The following RAD18 variants were observed in gnomAD, a reference collection of about 807,000 sequenced individuals.
RAD18 encodes E3 ubiquitin-protein ligase RAD18.
In RAD18, 47 loss-of-function variants were observed where a neutral mutation model predicts 60.4. The observed-to-expected ratio is 0.78, with a 90% confidence interval of 0.62 to 0.99. The LOEUF (loss-of-function observed/expected upper bound fraction) is 0.99. Among genes scored for constraint, RAD18 ranks in the 50% least tolerant of loss-of-function variants. RAD18 has a pLI of 0.00. For synonymous variants in RAD18, 225 were observed against 195.5 expected (o/e 1.15, Z -1.26); for missense variants, 640 against 593.3 (o/e 1.08, Z -0.82).
intron 10 of RAD18, among the ~76,000 whole-genome samples, chr3:8,900,263 T>C (rs186149150): frequency 9.9e-5 from 15 of 152,202 alleles, no homozygotes; most frequent in Admixed American, 9.2e-4. Context: ...ATCCTGAACC[T>C]CTAGGAACTC....
At chr3:8,915,769 G>A (rs1237056480) in intron 7 of RAD18, among the ~76,000 whole-genome samples, 1 of 152,028 alleles carries the variant, frequency 6.6e-6, no homozygotes, top group Non-Finnish European at 1.5e-5. Context: ...ATTTTTAGTA[G>A]AGACAGGGTT....
At chr3:8,908,886 T>C (rs1940059680) in intron 9 of RAD18, among the ~76,000 whole-genome samples, 1 of 152,184 alleles carries the variant, frequency 6.6e-6, no homozygotes, top group South Asian at 2.1e-4. Flanking sequence ...GAGCACAGTG[T>C]CTGGCACGTG....
At chr3:8,950,060 T>C (rs1364022244) in intron 2 of RAD18, among the ~76,000 whole-genome samples, 2 of 152,140 alleles carry the variant, frequency 1.3e-5, no homozygotes, top group Non-Finnish European at 1.5e-5. Context: ...AGATGGAGTC[T>C]AATTCTGTCA....
chr3:8,902,636 A>G, intron 9 of RAD18, 116 bp from the exon 10 acceptor site: 1 of 1,057,452 alleles, frequency 9.5e-7, no homozygotes, highest in Non-Finnish European at 1.3e-6. Flanking sequence ...TTACGCCTGT[A>G]ATCCCAGCAC....
At chr3:8,897,839 G>A (rs1466278841) in intron 11 of RAD18, among the ~76,000 whole-genome samples, 1 of 152,096 alleles carries the variant, frequency 6.6e-6, no homozygotes, top group African/African-American at 2.4e-5. Flanking sequence ...GCCGAGGTGG[G>A]TGGATCACTT....
chr3:8,931,049 A>T (rs1036193894), intron 7 of RAD18, among the ~76,000 whole-genome samples: 3 of 152,134 alleles, frequency 2.0e-5, no homozygotes, highest in Non-Finnish European at 4.4e-5. Context: ...AATAAAAGGC[A>T]TATCGACTGA....
chr3:8,891,142 AC>A (rs1939682446), intron 11 of RAD18, among the ~76,000 whole-genome samples: 1 of 150,506 alleles, frequency 6.6e-6, no homozygotes, highest in Admixed American at 6.6e-5. Context: ...CCCACTTCCC[AC>A]CCCCACGAAA....
At chr3:8,903,031 A>AAAAAAAC (rs1354491771) in intron 9 of RAD18, among the ~76,000 whole-genome samples, 4 of 152,068 alleles carry the variant, frequency 2.6e-5, no homozygotes, top group African/African-American at 9.7e-5. Flanking sequence ...GTCTCAAAAA[A>AAAAAAAC]AAAAAACAAA....
intron 7 of RAD18, among the ~76,000 whole-genome samples, chr3:8,917,569 TA>T (rs1559774954): frequency 6.6e-6 from 1 of 152,122 alleles, no homozygotes; most frequent in African/African-American, 2.4e-5. Context: ...GCTGTATAAT[TA>T]CTTGACTGTA....
intron 4 of RAD18, among the ~76,000 whole-genome samples, chr3:8,945,458 TTTCCA>T (rs1214593914): frequency 6.8e-6 from 1 of 146,600 alleles, no homozygotes; most frequent in Non-Finnish European, 1.5e-5. Flanking sequence ...AATGTGTGTG[TTTCCA>T]TCTTCTTTTT....
chr3:8,942,940 T>C (rs1449836178), intron 4 of RAD18, among the ~76,000 whole-genome samples: 2 of 152,196 alleles, frequency 1.3e-5, no homozygotes, highest in African/African-American at 4.8e-5. Flanking sequence ...CAGCCAAAGC[T>C]GAGAAATCTT....
At chr3:8,956,750 T>TAAA (rs59945420) in intron 2 of RAD18, among the ~76,000 whole-genome samples, 1 of 137,772 alleles carries the variant, frequency 7.3e-6, no homozygotes, top group Non-Finnish European at 1.5e-5. Flanking sequence ...ATTCATGATT[T>TAAA]AAAAAAAAAA....
chr3:8,926,233 T>C (rs994340847), intron 7 of RAD18, among the ~76,000 whole-genome samples: 17 of 152,174 alleles, frequency 1.1e-4, no homozygotes, highest in African/African-American at 4.1e-4. Flanking sequence ...ACAAAATCAA[T>C]GTGCAAAAAT....
intron 4 of RAD18, among the ~76,000 whole-genome samples, chr3:8,944,294 T>TA (rs1427277913): frequency 6.6e-6 from 1 of 152,170 alleles, no homozygotes; most frequent in East Asian, 1.9e-4. Flanking sequence ...ACAGAAGCTA[T>TA]AATTTAAAAC....
rs566529614 is a variant in RAD18, at chr3:8,908,186, T to C, written c.1027+4126A>G. On this transcript the variant is annotated intron_variant, in intron 9 of 12. Coordinates refer to ENST00000264926, the MANE Select transcript of RAD18 (RefSeq NM_020165.4). ...GAGGTCTAGCTGATCTGAATTGAGGTAGACATAGAGTGATTAAAGGAACCC... is the reference window on the plus strand; with the variant it reads ...GAGGTCTAGCTGATCTGAATTGAGGCAGACATAGAGTGATTAAAGGAACCC... 7.9e-5 allele frequency among the ~76,000 whole-genome samples: 12 copies of C among 152,194 alleles called. No homozygotes were observed. In the South Asian group the frequency reaches 2.1e-3, roughly 26 times the overall value.
chr3:8,957,649 A>G (rs1184007805), intron 2 of RAD18, among the ~76,000 whole-genome samples: 1 of 152,220 alleles, frequency 6.6e-6, no homozygotes, highest in African/African-American at 2.4e-5. Context: ...AAGCAACAGT[A>G]AACTTAGGCC....
At chr3:8,934,207 G>A (rs548292416) in intron 7 of RAD18, among the ~76,000 whole-genome samples, 28 of 152,224 alleles carry the variant, frequency 1.8e-4, no homozygotes, top group African/African-American at 6.3e-4. Context: ...GAAAACAAGA[G>A]AAGATCCACA....
At chr3:8,899,864 A>G (rs994643206) in intron 10 of RAD18, among the ~76,000 whole-genome samples, 24 of 152,186 alleles carry the variant, frequency 1.6e-4, no homozygotes, top group African/African-American at 5.8e-4. Context: ...TACATGTGCT[A>G]ATAATACTAC....
chr3:8,936,063 G>A lies in RAD18; in HGVS notation c.705-8C>T. ...TTCCTTTTGTGAACAGAACTGAAAA[G>A]GGGGGAAGATACCTGATGATTATTG... On this transcript the variant is annotated splice_region_variant and splice_polypyrimidine_tract_variant and intron_variant, in intron 6 of 12. Coordinates refer to ENST00000264926, the MANE Select transcript of RAD18 (RefSeq NM_020165.4). 1.3e-6 allele frequency: 2 copies of A among 1,510,392 alleles called. No individual in the cohort carries two copies. The highest frequency in any genetic ancestry group is 1.3e-5 in the South Asian group (1 of 75,596). 93.6% of individuals were successfully genotyped at this position (1,510,392 alleles called of 1,614,324 possible). A position where few individuals can be genotyped will look rare whatever the true frequency, so the allele number is the denominator to read the frequency against.
Sources: allele counts gnomAD v4.1 joint callset (sites outside exome capture counted in the v4.1 genomes callset), GRCh38; gene constraint gnomAD v4.1.1; transcripts MANE v1.5; gene names NCBI Gene and HGNC (gene_info 2026-07-23, HGNC 2026-07-21).